The following ZBTB17 variants were observed in gnomAD, a reference collection of about 807,000 sequenced individuals.
ZBTB17 encodes the protein zinc finger and BTB domain containing 17, also known as zinc finger and BTB domain-containing protein 17.
A neutral mutation model predicts 85.1 loss-of-function variants in ZBTB17; 24 were observed. The observed-to-expected ratio is 0.28, with a 90% CI of 0.20 to 0.40. The LOEUF (loss-of-function observed/expected upper bound fraction) is 0.40, where lower values mean the gene tolerates loss of function less well. Among genes scored for constraint, ZBTB17 ranks in the 10% least tolerant of loss-of-function variants. The pLI is 1.00. For synonymous variants in ZBTB17, 464 were observed against 460.2 expected, an observed-to-expected ratio of 1.01 and a Z score of -0.11; for missense variants, 743 against 1,105.1, an observed-to-expected ratio of 0.67 and a Z score of 4.65.
Position 15,942,242 on chromosome 1 carries a change from A to C in ZBTB17, c.2139T>G (p.Thr713=). The C allele has an allele frequency of 3.7e-6, 6 of 1,613,150 alleles. No individual in the cohort carries two copies. The highest frequency in any genetic ancestry group is 5.1e-6 in the Non-Finnish European group (6 of 1,179,456). Residue 713 remains threonine, a synonymous_variant, in exon 16 of 16, where the codon ACT becomes ACG. Coordinates refer to ENST00000375743, the MANE Select transcript of ZBTB17 (RefSeq NM_003443.3). ...VKQVQEEDPN[T]HILYACDSCG... ...AGGAGTCACAGGCGTAGAGGATGTG[A>C]GTGTTGGGGTCTGTGGAGGTGGGGC...
At chr1:15,965,838 A>G (rs567384308) in intron 2 of ZBTB17, among the ~76,000 whole-genome samples, 1 of 152,382 alleles carries the variant, frequency 6.6e-6, no homozygotes, top group Non-Finnish European at 1.5e-5. Context: ...TACATTGTTT[A>G]GCAATACAAA....
chr1:15,963,876 C>G (rs2072345275), intron 2 of ZBTB17, among the ~76,000 whole-genome samples: 1 of 152,004 alleles, frequency 6.6e-6, no homozygotes, highest in Admixed American at 6.5e-5. Flanking sequence ...GAGGCCAAAG[C>G]AGGAGGAGTG....
Position 15,942,070 on chromosome 1 carries a change from C to G in ZBTB17, c.2311G>C (p.Ala771Pro), listed in dbSNP as rs1292475672. The G allele has an allele frequency of 7.4e-6, 12 of 1,612,884 alleles. No individual in the cohort carries two copies. Among genetic ancestry groups the G allele is most frequent in the South Asian group, 4.4e-5 (4 of 91,090 alleles). ...CGAGGGCGGAAGACCAGCTCCCCAG[C>G]CTGCAGCACCTGCCCGGCAGGCCAC... ...GTWPAGQVLQ[A>P]GELVFRPRDG... The change falls in exon 16 of 16, where the codon GCT becomes CCT. Residue 771 changes from alanine (A) to proline (P), a missense_variant. Physicochemically the swap from Ala to Pro is conservative, Grantham distance 27. This residue lies in a region of ZBTB17 where 69 missense variants were observed against 77.0 expected (regional missense o/e 0.90). Coordinates refer to ENST00000375743, the MANE Select transcript of ZBTB17 (RefSeq NM_003443.3).
chr1:15,967,010 A>G (rs2148809472), intron 2 of ZBTB17, among the ~76,000 whole-genome samples: 1 of 152,116 alleles, frequency 6.6e-6, no homozygotes, highest in Non-Finnish European at 1.5e-5. Flanking sequence ...TTTGTACATA[A>G]AATGTATTTG....
rs997793264 is a variant in ZBTB17 at position 15,944,723 on chromosome 1, C to T, written c.1044G>A (p.Ala348=). 3.1e-6 allele frequency: 5 copies of T among 1,610,614 alleles called. No individual in the cohort carries two copies. Among genetic ancestry groups the T allele is most frequent in the African/African-American group, 2.7e-5 (2 of 74,936 alleles). The stretch of plus-strand genomic sequence containing the variant: ...TGTGCGTCTTCTCATGGGCCTTGCA[C>T]GCGGCCGGGTCGGAAAAGGCCTTGC... ...ECSKAFSDPA[A]CKAHEKTHSP... is the part of the protein sequence containing the mutation. The change falls in exon 8 of 16, where the codon GCG becomes GCA. Residue 348 remains alanine (A), a synonymous_variant. Transcript: ENST00000375743.
chr1:15,963,595 C>T (rs2072334123), intron 2 of ZBTB17, among the ~76,000 whole-genome samples: 2 of 152,132 alleles, frequency 1.3e-5, no homozygotes, highest in African/African-American at 4.8e-5. Flanking sequence ...TGGTGCTGAA[C>T]AGAGGAGGGA....
At chr1:15,971,199 T>TA (rs1426563686) in intron 2 of ZBTB17, among the ~76,000 whole-genome samples, 1 of 151,466 alleles carries the variant, frequency 6.6e-6, no homozygotes, top group Non-Finnish European at 1.5e-5. Context: ...ACTTGTTTGC[T>TA]AAAATGTATG....
At position 15,973,712 on chromosome 1, in the gene ZBTB17, C is replaced by T. The variant is rs931751629; in HGVS notation, c.-89-587G>A. On this transcript the variant is annotated intron_variant, in intron 1 of 15. Coordinates refer to ENST00000375743, the MANE Select transcript of ZBTB17 (RefSeq NM_003443.3). This position sits in a 1 kb window ranked among gnomAD's most constrained non-coding sequence, Gnocchi z 4.1. The stretch of plus-strand genomic sequence containing the variant: ...GATCCTGACTCCTCCCTGCCCCTAA[C>T]TCTCATCAAACTAATCACCAAATTG... 1.3e-5 allele frequency among the ~76,000 whole-genome samples: 2 copies of T among 152,216 alleles called. No homozygotes were observed. Among genetic ancestry groups the T allele is most frequent in the African/African-American group, 4.8e-5 (2 of 41,454 alleles).
intron 3 of ZBTB17, 173 bp downstream of exon 3, chr1:15,948,118 C>T: frequency 2.7e-6 from 2 of 744,014 alleles, no homozygotes; most frequent in Non-Finnish European, 4.6e-6. Flanking sequence ...TCAAAACAGG[C>T]CCCCAAAAGG....
chr1:15,948,599 G>T, intron 2 of ZBTB17, 102 bp from the exon 3 acceptor site: 1 of 1,258,832 alleles, frequency 7.9e-7, no homozygotes, highest in Non-Finnish European at 1.1e-6. Flanking sequence ...GGAGAAGACA[G>T]AATTAAAACA....
At chr1:15,959,550 G>A (rs576819560) in intron 2 of ZBTB17, among the ~76,000 whole-genome samples, 19 of 142,434 alleles carry the variant, frequency 1.3e-4, no homozygotes, top group East Asian at 6.4e-4. Context: ...GGAGGAGAGG[G>A]AGGGAGGAAA....
intron 2 of ZBTB17, among the ~76,000 whole-genome samples, chr1:15,962,600 A>T (rs2072298315): frequency 6.6e-6 from 1 of 152,180 alleles, no homozygotes; most frequent in South Asian, 2.1e-4. Context: ...TTCAAGGCCA[A>T]ATCCATCACA....
intron 2 of ZBTB17, among the ~76,000 whole-genome samples, chr1:15,959,498 A>AAGAGGGAGGAGAGGGAGG (rs1289264408): frequency 7.9e-6 from 1 of 127,332 alleles, no homozygotes; most frequent in East Asian, 2.7e-4. Context: ...GAAGGGAAGG[A>AAGAGGGAGGAGAGGGAGG]AGAGGGAGGA....
At chr1:15,969,945 C>T (rs1355513733) in intron 2 of ZBTB17, 3 of 755,936 alleles carry the variant, frequency 4.0e-6, no homozygotes, top group Non-Finnish European at 6.7e-6. Flanking sequence ...TTGATTGTCA[C>T]ATGTGGTTTG....
At chr1:15,950,656 C>A (rs2071799740) in intron 2 of ZBTB17, among the ~76,000 whole-genome samples, 1 of 152,192 alleles carries the variant, frequency 6.6e-6, no homozygotes, top group South Asian at 2.1e-4. Flanking sequence ...GGCTTCCTCA[C>A]CTTCCCCAGG....
intron 2 of ZBTB17, among the ~76,000 whole-genome samples, chr1:15,969,016 G>A (rs1006473067): frequency 2.6e-5 from 4 of 152,222 alleles, no homozygotes; most frequent in East Asian, 1.9e-4. Flanking sequence ...GAGTGAGCAC[G>A]CAAGTGAGCG....
rs1367502166 is a variant in ZBTB17, at chr1:15,966,557, G to A, written c.-3+6482C>T. ...TCCTTCCTTTGAAGCCCAGCCCTAC[G>A]AACCATCTCTCTTCAATTCATAACA... On this transcript the variant is annotated intron_variant, in intron 2 of 15. Coordinates refer to ENST00000375743, the MANE Select transcript of ZBTB17 (RefSeq NM_003443.3). The surrounding 1 kb of genome is among the most constrained non-coding windows in gnomAD (Gnocchi z 4.1). Among the ~76,000 whole-genome samples the A allele has an allele frequency of 6.6e-6, 1 of 151,952 alleles. No homozygotes were observed.
rs140588666 is a variant in ZBTB17 at position 15,951,904 on chromosome 1, C to T, written c.-2-3407G>A. Reference sequence around the variant, plus strand: ...CAGTAATCAGATCAACAGCCAGCTGCTCCCCATCGCCCCCAGATGTGCGGG... The same window carrying T: ...CAGTAATCAGATCAACAGCCAGCTGTTCCCCATCGCCCCCAGATGTGCGGG... On this transcript the variant is annotated intron_variant, in intron 2 of 15. Transcript: ENST00000375743. This position sits in a 1 kb window ranked among gnomAD's most constrained non-coding sequence, Gnocchi z 4.1. Among the ~76,000 whole-genome samples the T allele has an allele frequency of 2.6e-5, 4 of 152,204 alleles. No homozygotes were observed. The highest frequency in any genetic ancestry group is 9.6e-5 in the African/African-American group (4 of 41,512).
At chr1:15,968,052 C>CTTTCT (rs2072507868) in intron 2 of ZBTB17, among the ~76,000 whole-genome samples, 2 of 152,092 alleles carry the variant, frequency 1.3e-5, no homozygotes, top group Non-Finnish European at 2.9e-5. Context: ...AGGCCAGAGA[C>CTTTCT]GCTACAGAAA....
Sources: gnomAD v4.1 joint callset for allele counts (sites outside exome capture counted in the v4.1 genomes callset) on GRCh38, gnomAD v4.1.1 for gene constraint, gnomAD v4.1.1 regional missense constraint, Gnocchi (gnomAD v3.1) non-coding constraint, MANE v1.5 for transcripts, NCBI Gene and HGNC (gene_info 2026-07-23, HGNC 2026-07-21) for gene names.